FRMD4A: variants seen among roughly 807,000 people sequenced by gnomAD.
The protein encoded by FRMD4A is FERM domain-containing protein 4A.
A neutral mutation model predicts 129.1 loss-of-function variants in FRMD4A; 29 were observed. The ratio of observed to expected loss-of-function variants is 0.22; its 90% CI spans 0.17 to 0.31. The LOEUF (loss-of-function observed/expected upper bound fraction) is 0.31, where lower values mean the gene tolerates loss of function less well. Among genes scored for constraint, FRMD4A ranks in the 10% least tolerant of loss-of-function variants. The pLI, the probability that FRMD4A is intolerant of heterozygous loss-of-function variation, is 1.00. For synonymous variants in FRMD4A, 634 were observed against 571.6 expected, an observed-to-expected ratio of 1.11 and a Z score of -1.56; for missense variants, 1,272 against 1,375.8, an observed-to-expected ratio of 0.92 and a Z score of 1.19.
In FRMD4A at chr10:13,645,893, C is replaced by CA. The variant is rs1203234628; in HGVS notation, c.*1144dup. ...AAAAACGAAAATGAAACACCTTGTG[C>CA]AAAAAAATAGGATACGCTTTTACTG... is the stretch of plus-strand genomic sequence containing the variant. On this transcript the variant is annotated 3_prime_UTR_variant, in exon 25 of 25. Coordinates refer to ENST00000357447, the MANE Select transcript of FRMD4A (RefSeq NM_018027.5). The CA allele has an allele frequency of 5.2e-4, 80 of 152,444 alleles. No individual in the cohort carries two copies. The highest frequency in any genetic ancestry group is 2.9e-5 in the Non-Finnish European group (2 of 67,990). 9.4% of individuals were successfully genotyped at this position (152,444 alleles called of 1,614,324 possible). A position where few individuals can be genotyped will look rare whatever the true frequency, so the allele number is the denominator to read the frequency against.
chr10:14,145,857 C>A (rs1490101051), intron 2 of FRMD4A, among the ~76,000 whole-genome samples: 1 of 152,210 alleles, frequency 6.6e-6, no homozygotes, highest in East Asian at 1.9e-4. Context: ...ATGTAAATCT[C>A]TGATCCAGGG....
chr10:13,992,223 T>C lies in FRMD4A; in HGVS notation c.46-133311A>G, dbSNP rs138165611. 9.0e-3 allele frequency among the ~76,000 whole-genome samples: 1,372 copies of C among 152,376 alleles called. 8 individuals are homozygous for C. Among genetic ancestry groups the C allele is most frequent in the Middle Eastern group, 0.024 (7 of 294 alleles). On this transcript the variant is annotated intron_variant, in intron 2 of 24. Transcript: ENST00000357447. ...CTATAGCCCAGGCTATGCCTAGACA[T>C]GCCTGGAGCTATGCCAGTGGTTCAA...
At chr10:14,295,366 A>G (rs1589276735) in intron 2 of FRMD4A, among the ~76,000 whole-genome samples, 2 of 152,204 alleles carry the variant, frequency 1.3e-5, no homozygotes, top group South Asian at 2.1e-4. Flanking sequence ...GTGATTCACA[A>G]ACTTCAAATC....
chr10:14,074,118 T>C lies in FRMD4A; in HGVS notation c.46-215206A>G, dbSNP rs6602701. Among the ~76,000 whole-genome samples the C allele has an allele frequency of 2.6e-5, 4 of 151,612 alleles. No individual in the cohort carries two copies. The Admixed American group carries it at 2.6e-4, about 10-fold the overall frequency. Reference sequence around the variant, plus strand: ...AGAGCAAGATAGTCTCAAAAAAAATTTTTTTTGTTTCATATGTAGTACCAT... The same window carrying C: ...AGAGCAAGATAGTCTCAAAAAAAATCTTTTTTGTTTCATATGTAGTACCAT... On this transcript the variant is annotated intron_variant, in intron 2 of 24. Transcript: ENST00000357447.
rs766476501 is a variant in FRMD4A at position 13,778,617 on chromosome 10, GTGTGTT to G, written c.384+4299_384+4304del. 1.0e-3 allele frequency among the ~76,000 whole-genome samples: 146 copies of G among 144,114 alleles called. 1 individual carries two copies. The East Asian group carries it at 0.012, about 11-fold the overall frequency. The allele number at this position is 144,114 out of a possible 152,430, so 94.5% of individuals were successfully genotyped here. A position where few individuals can be genotyped will look rare whatever the true frequency, so the allele number is the denominator to read the frequency against. On this transcript the variant is annotated intron_variant, in intron 6 of 24. Transcript: ENST00000357447. Reference sequence around the variant, plus strand: ...TTCCAACGTGTGTGTGTGTGTGTGTGTGTGTTTGTGTGTGTGTTAAGGTTTAATGGG... The same window carrying G: ...TTCCAACGTGTGTGTGTGTGTGTGTGTGTGTGTGTGTTAAGGTTTAATGGG...
intron 12 of FRMD4A, among the ~76,000 whole-genome samples, chr10:13,716,483 A>G (rs2088822904): frequency 6.6e-6 from 1 of 152,206 alleles, no homozygotes; most frequent in South Asian, 2.1e-4. Flanking sequence ...TTCTTCAGAG[A>G]TGGCCACACA....
chr10:14,161,189 G>T (rs909941674), intron 2 of FRMD4A, among the ~76,000 whole-genome samples: 2 of 152,070 alleles, frequency 1.3e-5, no homozygotes, highest in African/African-American at 4.8e-5. Flanking sequence ...CTCCTGACCT[G>T]AGGTAATCCA....
intron 5 of FRMD4A, among the ~76,000 whole-genome samples, chr10:13,785,377 C>T (rs986120560): frequency 6.6e-6 from 1 of 152,138 alleles, no homozygotes; most frequent in Non-Finnish European, 1.5e-5. Flanking sequence ...CTGATCTCTG[C>T]CCATAACCCC....
At chr10:13,790,495 A>T (rs1108843) in intron 5 of FRMD4A, among the ~76,000 whole-genome samples, 1 of 151,956 alleles carries the variant, frequency 6.6e-6, no homozygotes, top group Non-Finnish European at 1.5e-5. Flanking sequence ...ACCAGGGCTC[A>T]AGGGACAGCA....
chr10:13,918,233 C>T (rs2095031852), intron 2 of FRMD4A, among the ~76,000 whole-genome samples: 1 of 152,072 alleles, frequency 6.6e-6, no homozygotes, highest in Admixed American at 6.6e-5. Context: ...TGTTGTATCT[C>T]CAGAGCCTTG....
Position 13,751,340 on chromosome 10 carries a change from C to T in FRMD4A, c.465-3521G>A, listed in dbSNP as rs541453838. ...AAAATCTAACAAGAAATCACCAAGG[C>T]GTGAAACCTGTCCAAATCCATTATA... On this transcript the variant is annotated intron_variant, in intron 8 of 24. Coordinates refer to ENST00000357447, the MANE Select transcript of FRMD4A (RefSeq NM_018027.5). 2.6e-5 allele frequency among the ~76,000 whole-genome samples: 4 copies of T among 152,324 alleles called. No individual in the cohort carries two copies. In the East Asian group the frequency reaches 5.8e-4, roughly 22 times the overall value.
intron 2 of FRMD4A, among the ~76,000 whole-genome samples, chr10:14,273,716 T>C (rs956432580): frequency 2.0e-5 from 3 of 151,682 alleles, no homozygotes; most frequent in African/African-American, 7.3e-5. Context: ...GTCAATGGAG[T>C]CTCCAGGGTT....
chr10:13,683,858 C>T (rs895425514), intron 15 of FRMD4A, among the ~76,000 whole-genome samples: 11 of 151,784 alleles, frequency 7.2e-5, no homozygotes, highest in East Asian at 3.9e-4. Flanking sequence ...GATTATAGTG[C>T]GCCACCATGC....
chr10:14,323,173 G>A (rs964450320), intron 2 of FRMD4A, among the ~76,000 whole-genome samples: 2 of 152,228 alleles, frequency 1.3e-5, no homozygotes, highest in Non-Finnish European at 2.9e-5. Flanking sequence ...GAGAAAGACA[G>A]AACTGGGCAA....
chr10:14,308,392 TTTA>T (rs140464696), intron 2 of FRMD4A, among the ~76,000 whole-genome samples: 7,112 of 152,238 alleles, frequency 0.047, 468 homozygotes, highest in African/African-American at 0.15. Flanking sequence ...TGACTACCAA[TTTA>T]TTATTATTTT....
intron 16 of FRMD4A, among the ~76,000 whole-genome samples, chr10:13,672,116 T>C (rs1408218554): frequency 6.6e-6 from 1 of 152,214 alleles, no homozygotes; most frequent in Non-Finnish European, 1.5e-5. Context: ...CGTGTGTACA[T>C]GTGTACACGT....
At chr10:13,902,849 A>AG (rs2094837038) in intron 2 of FRMD4A, among the ~76,000 whole-genome samples, 1 of 145,946 alleles carries the variant, frequency 6.9e-6, no homozygotes, top group South Asian at 2.2e-4. Context: ...CAAAAAAAAA[A>AG]AAAAAAAACA....
intron 2 of FRMD4A, among the ~76,000 whole-genome samples, chr10:14,241,900 G>A (rs2132006022): frequency 6.6e-6 from 1 of 152,086 alleles, no homozygotes; most frequent in African/African-American, 2.4e-5. Context: ...GGAAGAGTGA[G>A]ACCATCCTGA....
chr10:13,786,994 G>C (rs546199132), intron 5 of FRMD4A, among the ~76,000 whole-genome samples: 81 of 152,054 alleles, frequency 5.3e-4, no homozygotes, highest in African/African-American at 1.3e-3. Context: ...TTCCCTTTTC[G>C]TTTCCACTCT....
Sources: allele counts gnomAD v4.1 joint callset (sites outside exome capture counted in the v4.1 genomes callset), GRCh38; gene constraint gnomAD v4.1.1; transcripts MANE v1.5; gene names NCBI Gene and HGNC (gene_info 2026-07-23, HGNC 2026-07-21).